TGS1: variants seen among roughly 807,000 people sequenced by gnomAD.
TGS1 encodes the protein trimethylguanosine synthase.
In TGS1, 69 loss-of-function variants were observed where a neutral mutation model predicts 92.2. The ratio of observed to expected loss-of-function variants is 0.75; its 90% CI spans 0.62 to 0.91. The LOEUF (loss-of-function observed/expected upper bound fraction) is 0.91, where lower values mean the gene tolerates loss of function less well. Among genes scored for constraint, TGS1 ranks in the 40% least tolerant of loss-of-function variants. The pLI is 0.00. For synonymous variants in TGS1, 345 were observed against 338.1 expected, an observed-to-expected ratio of 1.02 and a Z score of -0.22; for missense variants, 1,062 against 1,001.2, an observed-to-expected ratio of 1.06 and a Z score of -0.82.
intron 7 of TGS1, 82 bp from the exon 8 acceptor site, chr8:55,798,832 C>T: frequency 1.7e-6 from 2 of 1,147,906 alleles, no homozygotes; most frequent in Non-Finnish European, 2.4e-6. Context: ...GCTTTTCAGT[C>T]AAGTCACAAA....
intron 10 of TGS1, among the ~76,000 whole-genome samples, chr8:55,810,527 A>G (rs534659033): frequency 6.6e-6 from 1 of 152,364 alleles, no homozygotes; most frequent in South Asian, 2.1e-4. Flanking sequence ...GGCTGTCCAT[A>G]CAGTCAGTGA....
Position 55,790,199 on chromosome 8 carries a change from G to A in TGS1, c.1180G>A (p.Gly394Arg), listed in dbSNP as rs61754978. ...CTCTTTAGATTCACAGAAGTCTTCA[G>A]GAGCAAACACAAGCAAAGACAGACC... The part of the protein sequence containing the change: ...PPAEDSQKSS[G>R]ANTSKDRPHA... The change falls in exon 5 of 13, where the codon GGA (glycine) becomes AGA (arginine). Residue 394 changes from glycine (G) to arginine (R), a missense_variant. Transcript: ENST00000260129. 7.5e-4 allele frequency: 1,204 copies of A among 1,613,858 alleles called. 10 individuals are homozygous for A. In the African/African-American group the frequency reaches 0.01, roughly 14 times the overall value.
chr8:55,812,889 T>C, intron 11 of TGS1, 151 bp from the exon 12 acceptor site: 1 of 619,332 alleles, frequency 1.6e-6, no homozygotes. Flanking sequence ...AAATTTTGTA[T>C]GTAATTCTCT....
intron 8 of TGS1, 73 bp from the exon 9 acceptor site, chr8:55,802,384 T>C (rs975538168): frequency 1.6e-6 from 2 of 1,289,006 alleles, no homozygotes; most frequent in Non-Finnish European, 2.2e-6. Flanking sequence ...TGTGGCTTCA[T>C]TTTTAGATAA....
chr8:55,786,984 A>G lies in TGS1; in HGVS notation c.1086A>G (p.Gln362=), dbSNP rs1476958590. The G allele has an allele frequency of 3.1e-6, 5 of 1,614,170 alleles. No homozygotes were observed. Among genetic ancestry groups the G allele is most frequent in the Middle Eastern group, 1.6e-4 (1 of 6,062 alleles). The part of the protein sequence containing the change: ...SSKRECPASG[Q]SEPRNGGTNE... ...AAAGAGAGTGCCCTGCTTCCGGCCA[A>G]AGTGAACCACGTAATGGAGGAACCA... The change falls in exon 4 of 13, where the codon CAA becomes CAG. Residue 362 remains glutamine, a synonymous_variant. Transcript: ENST00000260129.
chr8:55,807,467 A>G (rs866371427), intron 10 of TGS1, among the ~76,000 whole-genome samples: 4 of 151,262 alleles, frequency 2.6e-5, no homozygotes, highest in African/African-American at 7.3e-5. Context: ...GAAGTTGAAC[A>G]TTCTGCCCAA....
chr8:55,791,383 GAC>G (rs1811882806), intron 5 of TGS1, among the ~76,000 whole-genome samples: 1 of 152,200 alleles, frequency 6.6e-6, no homozygotes, highest in Non-Finnish European at 1.5e-5. Context: ...ACATGTGCCT[GAC>G]ACAGTCTCAC....
At chr8:55,812,828 G>A (rs941384733) in intron 11 of TGS1, among the ~76,000 whole-genome samples, 2 of 152,108 alleles carry the variant, frequency 1.3e-5, no homozygotes, top group East Asian at 1.9e-4. Flanking sequence ...AATTGAAATC[G>A]ATTCAACTGT....
chr8:55,798,065 C>T (rs1423008767), intron 7 of TGS1, among the ~76,000 whole-genome samples: 1 of 151,952 alleles, frequency 6.6e-6, no homozygotes, highest in Non-Finnish European at 1.5e-5. Flanking sequence ...ATATAATAGC[C>T]CCTATGCATT....
chr8:55,820,666 A>G lies in TGS1; in HGVS notation c.2440-3915A>G, dbSNP rs187612311. Among the ~76,000 whole-genome samples the G allele has an allele frequency of 4.6e-5, 7 of 152,342 alleles. 1 individual carries two copies. The highest frequency in any genetic ancestry group is 3.9e-4 in the Admixed American group (6 of 15,294). On this transcript the variant is annotated intron_variant, in intron 12 of 12. Transcript: ENST00000260129. Reference sequence around the variant, plus strand: ...TTTCTCCTTTGCCAGTCCCCAAAGAACAGCTTTACTGCCTGATGTCAAATC... The same window carrying G: ...TTTCTCCTTTGCCAGTCCCCAAAGAGCAGCTTTACTGCCTGATGTCAAATC...
chr8:55,826,284 C>G lies in TGS1; in HGVS notation c.*1581C>G, dbSNP rs1293444588. Among the ~76,000 whole-genome samples the G allele has an allele frequency of 6.6e-6, 1 of 152,056 alleles. No individual in the cohort carries two copies. The highest frequency in any genetic ancestry group is 1.9e-4 in the East Asian group (1 of 5,202). ...CTTCTTTCCACAGCTCATTTTCTTA[C>G]TTGTATATTAATAAAGCTAACTCAT... On this transcript the variant is annotated 3_prime_UTR_variant, in exon 13 of 13. Transcript: ENST00000260129.
At chr8:55,818,493 T>G (rs1246110646) in intron 12 of TGS1, among the ~76,000 whole-genome samples, 1 of 152,250 alleles carries the variant, frequency 6.6e-6, no homozygotes, top group Non-Finnish European at 1.5e-5. Context: ...AAATCAGTGC[T>G]TAATCATACA....
intron 8 of TGS1, among the ~76,000 whole-genome samples, chr8:55,802,137 T>C (rs1328950003): frequency 6.6e-6 from 1 of 152,162 alleles, no homozygotes; most frequent in African/African-American, 2.4e-5. Flanking sequence ...GAGCTTGCAG[T>C]GAGCCAAGAT....
At position 55,792,613 on chromosome 8, in the gene TGS1, C is replaced by A. The variant is rs1414902573; in HGVS notation, c.1281-85C>A. ...ATGGTGTTGGGAAGTTTGCATGGGT[C>A]AATTATATTGCCTTTTTTATATTTA... On this transcript the variant is annotated intron_variant, in intron 5 of 12. Transcript: ENST00000260129. 4.4e-6 allele frequency: 4 copies of A among 910,290 alleles called. No individual in the cohort carries two copies. The East Asian group carries it at 7.3e-5, about 17-fold the overall frequency. The allele number at this position is 910,290 out of a possible 1,614,324, so 56.4% of individuals were successfully genotyped here. A position where few individuals can be genotyped will look rare whatever the true frequency, so the allele number is the denominator to read the frequency against.
chr8:55,798,891 A>T (rs773370611), intron 7 of TGS1, 23 bp from the exon 8 acceptor site: 1 of 1,558,308 alleles, frequency 6.4e-7, no homozygotes, highest in Non-Finnish European at 8.7e-7. Context: ...ATTCCTGCTC[A>T]TGATGTCATC....
intron 1 of TGS1, among the ~76,000 whole-genome samples, chr8:55,774,696 C>A (rs1811332680): frequency 6.6e-6 from 1 of 152,070 alleles, no homozygotes; most frequent in South Asian, 2.1e-4. Flanking sequence ...TACTTCCTAG[C>A]AGAGAAGATC....
At chr8:55,813,180 G>T in intron 12 of TGS1, 62 bp downstream of exon 12, 2 of 1,177,168 alleles carry the variant, frequency 1.7e-6, no homozygotes, top group Admixed American at 1.9e-5. Context: ...TACGGTAAAA[G>T]ATACAGGACA....
chr8:55,774,004 G>C (rs1811302380), intron 1 of TGS1, among the ~76,000 whole-genome samples: 1 of 152,140 alleles, frequency 6.6e-6, no homozygotes, highest in African/African-American at 2.4e-5. Context: ...TTAAAAATTG[G>C]GGGAAAGCGA....
intron 1 of TGS1, among the ~76,000 whole-genome samples, chr8:55,774,012 C>G (rs1385338216): frequency 6.6e-6 from 1 of 152,030 alleles, no homozygotes; most frequent in Non-Finnish European, 1.5e-5. Flanking sequence ...TGGGGGAAAG[C>G]GACATGTAAA....
Sources: gnomAD v4.1 joint callset for allele counts (sites outside exome capture counted in the v4.1 genomes callset) on GRCh38, gnomAD v4.1.1 for gene constraint, MANE v1.5 for transcripts, NCBI Gene and HGNC (gene_info 2026-07-23, HGNC 2026-07-21) for gene names.